Variants in AKAP6 observed in about 807,000 individuals in gnomAD.
The protein encoded by AKAP6 is A-kinase anchoring protein 6, also known as A-kinase anchor protein 6.
A neutral mutation model predicts 188.5 loss-of-function variants in AKAP6; 58 were observed. The ratio of observed to expected loss-of-function variants is 0.31; its 90% CI spans 0.25 to 0.38. The LOEUF is 0.38. Ranked by LOEUF, AKAP6 falls within the 10% of genes least tolerant of loss-of-function variation. AKAP6 has a pLI of 1.00. For synonymous variants in AKAP6, 989 were observed against 998.6 expected, an observed-to-expected ratio of 0.99 and a Z score of 0.18; for missense variants, 2,710 against 2,740.0, an observed-to-expected ratio of 0.99 and a Z score of 0.24.
chr14:32,532,382 G>C (rs1882461012), intron 2 of AKAP6, among the ~76,000 whole-genome samples: 1 of 152,192 alleles, frequency 6.6e-6, no homozygotes, highest in Non-Finnish European at 1.5e-5. Context: ...GCCCAGTTAT[G>C]TAGGGAGTAG....
At chr14:32,633,627 G>A (rs1400490960) in intron 7 of AKAP6, among the ~76,000 whole-genome samples, 1 of 152,078 alleles carries the variant, frequency 6.6e-6, no homozygotes, top group Non-Finnish European at 1.5e-5. Flanking sequence ...CACAAGAATA[G>A]CATATCCAAA....
At chr14:32,760,151 A>G (rs1181174706) in intron 11 of AKAP6, among the ~76,000 whole-genome samples, 2 of 152,200 alleles carry the variant, frequency 1.3e-5, no homozygotes, top group African/African-American at 4.8e-5. Flanking sequence ...GCAACAACAC[A>G]CTTATCCAGT....
At chr14:32,662,806 T>A (rs901104359) in intron 7 of AKAP6, among the ~76,000 whole-genome samples, 8 of 152,168 alleles carry the variant, frequency 5.3e-5, no homozygotes, top group Non-Finnish European at 4.4e-5. Flanking sequence ...AATACATTGA[T>A]GATTCTTGCT....
chr14:32,370,354 T>C (rs1887967566), intron 1 of AKAP6, among the ~76,000 whole-genome samples: 1 of 152,204 alleles, frequency 6.6e-6, no homozygotes, highest in African/African-American at 2.4e-5. Flanking sequence ...ACAAAGACAG[T>C]GCTATCGAAT....
intron 1 of AKAP6, among the ~76,000 whole-genome samples, chr14:32,342,511 C>G (rs1287719671): frequency 1.3e-5 from 2 of 152,192 alleles, no homozygotes; most frequent in African/African-American, 4.8e-5. Context: ...TCATGCTCTT[C>G]TACTTCCTGC....
intron 2 of AKAP6, among the ~76,000 whole-genome samples, chr14:32,508,861 C>T (rs1881007735): frequency 6.6e-6 from 1 of 150,552 alleles, no homozygotes; most frequent in Non-Finnish European, 1.5e-5. Context: ...GAGTCTCGCT[C>T]TGTTGCCAGG....
At chr14:32,462,919 A>AAAAAAAAAAAAAAAAG (rs1566517619) in intron 2 of AKAP6, among the ~76,000 whole-genome samples, 1 of 135,018 alleles carries the variant, frequency 7.4e-6, no homozygotes, top group East Asian at 2.1e-4. Context: ...AAAAAAAAAA[A>AAAAAAAAAAAAAAAAG]AAAAAAACCC....
At chr14:32,678,562 C>T in intron 8 of AKAP6, 103 bp downstream of exon 8, 1 of 1,324,108 alleles carries the variant, frequency 7.6e-7, no homozygotes, top group East Asian at 2.4e-5. Flanking sequence ...AGCAAACCGA[C>T]AAGGAGAAGC....
At chr14:32,338,389 G>C (rs761276130) in intron 1 of AKAP6, among the ~76,000 whole-genome samples, 1 of 152,058 alleles carries the variant, frequency 6.6e-6, no homozygotes, top group African/African-American at 2.4e-5. Context: ...TGGTGGAAAT[G>C]TTACATGCCC....
intron 7 of AKAP6, among the ~76,000 whole-genome samples, chr14:32,632,946 G>T (rs192116959): frequency 6.6e-6 from 1 of 151,998 alleles, no homozygotes; most frequent in East Asian, 1.9e-4. Flanking sequence ...TTTTGTATGA[G>T]ACTGGAATAA....
chr14:32,355,960 G>A (rs762087130), intron 1 of AKAP6, among the ~76,000 whole-genome samples: 6 of 151,592 alleles, frequency 4.0e-5, no homozygotes, highest in African/African-American at 9.7e-5. Context: ...TATTTTTTTC[G>A]TAAAGACGGG....
In AKAP6 at chr14:32,330,713, A is replaced by ATTTT. The variant is rs35147196; in HGVS notation, c.-35+1332_-35+1335dup. The stretch of plus-strand genomic sequence containing the variant: ...CAATACCTTTAGCTAGCTTGGAGTG[A>ATTTT]TTTTTTTTTTTTTTTTTTTTTTTTT... On this transcript the variant is annotated intron_variant, in intron 1 of 13. Coordinates refer to ENST00000280979, the MANE Select transcript of AKAP6 (RefSeq NM_004274.5). Among the ~76,000 whole-genome samples, 128 of 62,408 alleles carry ATTTT rather than the reference A, an allele frequency of 2.1e-3. 13 individuals carry two copies. Among genetic ancestry groups the ATTTT allele is most frequent in the Non-Finnish European group, 2.9e-3 (102 of 34,952 alleles). 40.9% of individuals were successfully genotyped at this position (62,408 alleles called of 152,430 possible). A position where few individuals can be genotyped will look rare whatever the true frequency, so the allele number is the denominator to read the frequency against.
At chr14:32,493,478 T>A (rs1327788917) in intron 2 of AKAP6, among the ~76,000 whole-genome samples, 3 of 152,150 alleles carry the variant, frequency 2.0e-5, no homozygotes, top group Non-Finnish European at 4.4e-5. Flanking sequence ...CCCAAAGTGC[T>A]TGGATTACAG....
At chr14:32,599,844 A>G (rs1001798376) in intron 6 of AKAP6, among the ~76,000 whole-genome samples, 3 of 152,186 alleles carry the variant, frequency 2.0e-5, no homozygotes, top group Non-Finnish European at 4.4e-5. Context: ...AGAACTGTAT[A>G]TATAGTTATA....
chr14:32,476,938 A>T (rs186787826), intron 2 of AKAP6, among the ~76,000 whole-genome samples: 149 of 152,328 alleles, frequency 9.8e-4, no homozygotes, highest in African/African-American at 3.4e-3. Context: ...GAGGTGGGAT[A>T]TCTTAAAGCG....
intron 2 of AKAP6, among the ~76,000 whole-genome samples, chr14:32,458,566 A>G (rs1891219640): frequency 1.3e-5 from 2 of 152,192 alleles, no homozygotes; most frequent in South Asian, 4.1e-4. Flanking sequence ...CAACATAAAG[A>G]GTTGATTACC....
intron 4 of AKAP6, among the ~76,000 whole-genome samples, chr14:32,565,150 A>G (rs761853477): frequency 6.6e-5 from 10 of 152,144 alleles, no homozygotes; most frequent in Non-Finnish European, 1.5e-4. Context: ...TACACCCTGT[A>G]TGTTGCTTTC....
intron 7 of AKAP6, among the ~76,000 whole-genome samples, chr14:32,675,083 G>A (rs540460400): frequency 6.6e-6 from 1 of 152,272 alleles, no homozygotes; most frequent in South Asian, 2.1e-4. Context: ...ACCGTTGCCT[G>A]TAGGTTTGTA....
At chr14:32,618,690 T>G (rs76123735) in intron 7 of AKAP6, among the ~76,000 whole-genome samples, 3 of 152,174 alleles carry the variant, frequency 2.0e-5, no homozygotes, top group Non-Finnish European at 2.9e-5. Context: ...ATAATGACTT[T>G]GTTTCATTTG....
Sources: gnomAD v4.1 joint callset for allele counts (sites outside exome capture counted in the v4.1 genomes callset) on GRCh38, gnomAD v4.1.1 for gene constraint, MANE v1.5 for transcripts, NCBI Gene and HGNC (gene_info 2026-07-23, HGNC 2026-07-21) for gene names.